Variants in FBXO39 observed in about 807,000 individuals in gnomAD.
FBXO39 encodes the protein F-box only protein 39.
In FBXO39, 22 loss-of-function variants were observed where a neutral mutation model predicts 36.6. The ratio of observed to expected loss-of-function variants is 0.60; its 90% confidence interval spans 0.43 to 0.86. The LOEUF is 0.86. Ranked by LOEUF, FBXO39 falls within the 40% of genes least tolerant of loss-of-function variation. The pLI, the probability that FBXO39 is intolerant of heterozygous loss-of-function variation, is 0.00. For missense variants in FBXO39, 536 were observed against 543.9 expected, an observed-to-expected ratio of 0.99 and a Z score of 0.14; for synonymous variants, 206 against 205.8, an observed-to-expected ratio of 1.00 and a Z score of -0.01.
In FBXO39 at chr17:6,781,773, A is replaced by G. The variant is rs577153621; in HGVS notation, c.1023+882A>G. On this transcript the variant is annotated intron_variant, in intron 2 of 3. Transcript: ENST00000321535. ...TCATTCTCAAATCTCTTCCTCTAAG[A>G]ACTACATGTCCAATGTCCCTTATCT... 2.3e-4 allele frequency among the ~76,000 whole-genome samples: 35 copies of G among 152,278 alleles called. No individual in the cohort carries two copies. The South Asian group carries it at 6.2e-3, about 27-fold the overall frequency.
intron 2 of FBXO39, 135 bp from the exon 3 acceptor site, chr17:6,786,645 T>G (rs1304672995): frequency 1.5e-5 from 10 of 675,616 alleles, no homozygotes; most frequent in Non-Finnish European, 2.2e-5. Context: ...CCACAAAAAT[T>G]AAAAATTAAA....
At position 6,784,917 on chromosome 17, in the gene FBXO39, T is replaced by TTATATATATATGTGTGTG. The variant is rs1381726104; in HGVS notation, c.1024-1852_1024-1851insGTGTGTGTATATATATAT. Among the ~76,000 whole-genome samples the TTATATATATATGTGTGTG allele has an allele frequency of 3.7e-3, 482 of 128,590 alleles. 5 individuals carry two copies. Among genetic ancestry groups the TTATATATATATGTGTGTG allele is most frequent in the African/African-American group, 0.015 (433 of 28,838 alleles). The allele number at this position is 128,590 out of a possible 152,430, so 84.4% of individuals were successfully genotyped here. On this transcript the variant is annotated intron_variant, in intron 2 of 3. Coordinates refer to ENST00000321535, the MANE Select transcript of FBXO39 (RefSeq NM_153230.3). The stretch of plus-strand genomic sequence containing the variant: ...AGAAATAGAACAAAGAATCTTAAAT[T>TTATATATATATGTGTGTG]TATATATATATATGTGTGTGTGTGT...
intron 2 of FBXO39, among the ~76,000 whole-genome samples, chr17:6,786,298 C>T (rs1479782364): frequency 1.3e-5 from 2 of 152,108 alleles, no homozygotes; most frequent in East Asian, 3.8e-4. Context: ...AAAATTAAAA[C>T]AATTCAACTC....
Position 6,787,443 on chromosome 17 carries a change from A to G in FBXO39, c.*15A>G, listed in dbSNP as rs772662420. On this transcript the variant is annotated 3_prime_UTR_variant, in exon 4 of 4. Transcript: ENST00000321535. ...CTGTGATGTAATGAGCACTCTACAG[A>G]TGAAGAAAGCTGGGAGCACTTTGAA... 3 of 1,613,150 alleles carry G rather than the reference A, an allele frequency of 1.9e-6. No homozygotes were observed. Among genetic ancestry groups the G allele is most frequent in the African/African-American group, 1.3e-5 (1 of 74,878 alleles).
chr17:6,780,750 G>A lies in FBXO39; in HGVS notation c.882G>A (p.Lys294=). 2 of 1,614,172 alleles carry A rather than the reference G, an allele frequency of 1.2e-6. No individual in the cohort carries two copies. Among genetic ancestry groups the A allele is most frequent in the Non-Finnish European group, 1.7e-6 (2 of 1,180,046 alleles). ...ACTTCTTCTTTGAACGGATCATGAAGTACGAACGCTTGGCCCGAATCCTCT... is the reference window on the plus strand; with the variant it reads ...ACTTCTTCTTTGAACGGATCATGAAATACGAACGCTTGGCCCGAATCCTCT... ...KVNFFFERIM[K]YERLARILLQ... is the part of the protein sequence containing the mutation. The change falls in exon 2 of 4, where the codon AAG becomes AAA. Residue 294 remains lysine (K), a synonymous_variant. Coordinates refer to ENST00000321535, the MANE Select transcript of FBXO39 (RefSeq NM_153230.3).
chr17:6,782,400 C>T (rs1051492505), intron 2 of FBXO39, among the ~76,000 whole-genome samples: 5 of 152,024 alleles, frequency 3.3e-5, no homozygotes, highest in African/African-American at 4.8e-5. Flanking sequence ...AAACAAATAA[C>T]GAAATGTCCC....
In FBXO39 at chr17:6,779,892, C is replaced by G; in HGVS notation, c.24C>G (p.Ile8Met). The G allele has an allele frequency of 6.2e-7, 1 of 1,614,174 alleles. No individual in the cohort carries two copies. Among genetic ancestry groups the G allele is most frequent in the South Asian group, 1.1e-5 (1 of 91,080 alleles). Residue 8 changes from isoleucine to methionine, a missense_variant, in exon 2 of 4, where the codon ATC (isoleucine) becomes ATG (methionine). By Grantham distance (10) the Ile-to-Met change is conservative (BLOSUM62 1). Transcript: ENST00000321535. Reference protein sequence around the residue: MDEESELIQPQDQSCWAF... With the variant: MDEESELMQPQDQSCWAF... ...GGATGGACGAAGAAAGTGAACTGAT[C>G]CAGCCCCAAGACCAGAGCTGCTGGG...
In FBXO39 at chr17:6,780,474, C is replaced by T; in HGVS notation, c.606C>T (p.Asp202=). Residue 202 remains aspartate (D), a synonymous_variant, in exon 2 of 4, where the codon GAC becomes GAT. Transcript: ENST00000321535. ...TGATCTCAGAGCTCAACATCGAGGACTATTTCAGCCATCACCTTGCTGTCT... is the reference window on the plus strand; with the variant it reads ...TGATCTCAGAGCTCAACATCGAGGATTATTTCAGCCATCACCTTGCTGTCT... The part of the protein sequence containing the change: ...ENVISELNIE[D]YFSHHLAVYN... The T allele has an allele frequency of 6.2e-7, 1 of 1,614,158 alleles. No homozygotes were observed. The highest frequency in any genetic ancestry group is 8.5e-7 in the Non-Finnish European group (1 of 1,180,028).
intron 2 of FBXO39, among the ~76,000 whole-genome samples, chr17:6,785,076 A>ATTATATT (rs368674897): frequency 6.6e-6 from 1 of 151,746 alleles, no homozygotes; most frequent in African/African-American, 2.4e-5. Flanking sequence ...TAGTCACTAA[A>ATTATATT]ACAGCATGAG....
chr17:6,778,728 C>CA (rs918354415), intron 1 of FBXO39, among the ~76,000 whole-genome samples: 33 of 152,182 alleles, frequency 2.2e-4, no homozygotes, highest in African/African-American at 7.9e-4. Flanking sequence ...ACTTTGAAAG[C>CA]AAAAAACTGT....
Position 6,780,280 on chromosome 17 carries a change from C to A in FBXO39, c.412C>A (p.Arg138Ser), listed in dbSNP as rs139725230. The change falls in exon 2 of 4, where the codon CGC (arginine) becomes AGC (serine). Residue 138 changes from arginine (R) to serine (S), a missense_variant. Transcript: ENST00000321535. ...SLSIQYLELD[R>S]LVWRNSIRSS... ...TTCCATCCAATACCTGGAGCTGGAC[C>A]GCCTGGTATGGAGGAACAGCATCAG... 2 of 1,613,966 alleles carry A rather than the reference C, an allele frequency of 1.2e-6. No homozygotes were observed. The highest frequency in any genetic ancestry group is 1.7e-5 in the Admixed American group (1 of 60,000).
intron 2 of FBXO39, among the ~76,000 whole-genome samples, chr17:6,784,058 A>C (rs970078537): frequency 1.3e-5 from 2 of 152,164 alleles, no homozygotes; most frequent in African/African-American, 4.8e-5. Flanking sequence ...TACAAAGATC[A>C]TTCATCCTGA....
chr17:6,787,030 A>T, intron 3 of FBXO39, 74 bp downstream of exon 3: 1 of 1,504,106 alleles, frequency 6.6e-7, no homozygotes. Context: ...TCTGGAACGA[A>T]GGGCTGAATA....
At position 6,780,812 on chromosome 17, in the gene FBXO39, G is replaced by A. The variant is rs1311807573; in HGVS notation, c.944G>A (p.Ser315Asn). 6.2e-6 allele frequency: 10 copies of A among 1,614,058 alleles called. No individual in the cohort carries two copies. Among genetic ancestry groups the A allele is most frequent in the African/African-American group, 1.3e-5 (1 of 75,016 alleles). ...CCGATCAGGAGCATCAGTCTGAGAA[G>A]CTGCTATTTCAGTGACCCAGACTGT... is the stretch of plus-strand genomic sequence containing the variant. ...EIPIRSISLR[S>N]CYFSDPDCSM... The change falls in exon 2 of 4, where the codon AGC becomes AAC. Residue 315 changes from serine (S) to asparagine (N), a missense_variant. By Grantham distance (46) the Ser-to-Asn change is conservative (BLOSUM62 1). Transcript: ENST00000321535.
At chr17:6,786,633 T>G (rs997900385) in intron 2 of FBXO39, 147 bp from the exon 3 acceptor site, 16 of 625,130 alleles carry the variant, frequency 2.6e-5, no homozygotes, top group Middle Eastern at 4.2e-4. Flanking sequence ...TGTACCTATG[T>G]ACCACAAAAA....
chr17:6,779,810 T>A lies in FBXO39; in HGVS notation c.-59T>A, dbSNP rs1976480772. ...ACAGAAAGCAAGTGATTGCTTTCCT[T>A]TCCTCATTTTTGGAAGCCCTGCCTA... On this transcript the variant is annotated 5_prime_UTR_variant, in exon 2 of 4. Transcript: ENST00000321535. 4.6e-6 allele frequency: 7 copies of A among 1,527,680 alleles called. No individual in the cohort carries two copies. Among genetic ancestry groups the A allele is most frequent in the Non-Finnish European group, 6.2e-6 (7 of 1,127,712 alleles). 94.6% of individuals were successfully genotyped at this position (1,527,680 alleles called of 1,614,324 possible). A position where few individuals can be genotyped will look rare whatever the true frequency, so the allele number is the denominator to read the frequency against.
chr17:6,777,737 G>A (rs1976450221), intron 1 of FBXO39, among the ~76,000 whole-genome samples: 1 of 152,110 alleles, frequency 6.6e-6, no homozygotes, highest in Admixed American at 6.6e-5. Flanking sequence ...GGGTCCCTTG[G>A]GAGAGAAAGG....
chr17:6,776,721 G>A (rs79728086), intron 1 of FBXO39, among the ~76,000 whole-genome samples: 7,180 of 152,194 alleles, frequency 0.047, 215 homozygotes, highest in Middle Eastern at 0.14. Flanking sequence ...CGTTTACTAC[G>A]TGGCAGGCAC....
chr17:6,787,023 G>GTTCCAGAGCA, intron 3 of FBXO39, 67 bp downstream of exon 3: 1 of 1,520,324 alleles, frequency 6.6e-7, no homozygotes. Flanking sequence ...CTTCTGCTCT[G>GTTCCAGAGCA]GAACGAAGGG....
Sources: allele counts gnomAD v4.1 joint callset (sites outside exome capture counted in the v4.1 genomes callset), GRCh38; gene constraint gnomAD v4.1.1; transcripts MANE v1.5; gene names NCBI Gene and HGNC (gene_info 2026-07-23, HGNC 2026-07-21).